GAD2: variants seen among roughly 807,000 people sequenced by gnomAD.
The protein encoded by GAD2 is 65 kDa glutamic acid decarboxylase.
GAD2 carries 22 observed loss-of-function variants against 80.1 expected under a neutral mutation model. The observed-to-expected ratio is 0.27, with a 90% confidence interval of 0.20 to 0.39. The LOEUF is 0.39. Ranked by LOEUF, GAD2 falls within the 10% of genes least tolerant of loss-of-function variation. The pLI is 1.00. For synonymous variants in GAD2, 274 were observed against 256.9 expected (o/e 1.07, Z -0.64); for missense variants, 624 against 738.4 (o/e 0.85, Z 1.80).
At chr10:26,236,816 G>T (rs989953278) in intron 7 of GAD2, among the ~76,000 whole-genome samples, 1 of 152,114 alleles carries the variant, frequency 6.6e-6, no homozygotes, top group Non-Finnish European at 1.5e-5. Context: ...CAGCACCCCT[G>T]CTCCTGTGCT....
At chr10:26,232,591 G>A (rs1844618328) in intron 7 of GAD2, among the ~76,000 whole-genome samples, 1 of 151,636 alleles carries the variant, frequency 6.6e-6, no homozygotes, top group Non-Finnish European at 1.5e-5. Flanking sequence ...CCATCTCTGG[G>A]GTTCAAGAGA....
At chr10:26,222,686 T>C (rs1466053558) in intron 4 of GAD2, among the ~76,000 whole-genome samples, 1 of 152,220 alleles carries the variant, frequency 6.6e-6, no homozygotes, top group African/African-American at 2.4e-5. Context: ...CCCGCTAAAA[T>C]GGGCTCCCTC....
intron 8 of GAD2, among the ~76,000 whole-genome samples, chr10:26,255,731 G>T (rs143442200): frequency 6.6e-5 from 10 of 152,074 alleles, no homozygotes; most frequent in East Asian, 1.9e-4. Context: ...ATAAAAAATC[G>T]CAAAGGTTTA....
chr10:26,281,607 C>A (rs1845272863), intron 12 of GAD2, among the ~76,000 whole-genome samples: 1 of 152,066 alleles, frequency 6.6e-6, no homozygotes, highest in Non-Finnish European at 1.5e-5. Flanking sequence ...ATATTTAAAG[C>A]CATGTTCAAA....
rs373306015 is a variant in GAD2 at position 26,229,819 on chromosome 10, T to C, written c.840+42T>C. The C allele has an allele frequency of 5.5e-6, 8 of 1,453,422 alleles. No individual in the cohort carries two copies. In the African/African-American group the frequency reaches 1.1e-4, roughly 20 times the overall value. The allele number at this position is 1,453,422 out of a possible 1,614,324, so 90.0% of individuals were successfully genotyped here. A position where few individuals can be genotyped will look rare whatever the true frequency, so the allele number is the denominator to read the frequency against. ...CTTGCAAGTTTAAGGTTATGTTCCA[T>C]AAAGCCCGAGTTTAAGGAGTGATGG... On this transcript the variant is annotated intron_variant, in intron 7 of 15. Transcript: ENST00000376261.
At chr10:26,229,618 G>T (rs989624350) in intron 6 of GAD2, 44 bp from the exon 7 acceptor site, 18 of 1,348,792 alleles carry the variant, frequency 1.3e-5, no homozygotes, top group Non-Finnish European at 1.9e-5. Flanking sequence ...TGTGAAATGA[G>T]GTTGATAATA....
At chr10:26,260,022 T>G (rs778907279) in intron 8 of GAD2, among the ~76,000 whole-genome samples, 3 of 152,182 alleles carry the variant, frequency 2.0e-5, no homozygotes, top group Non-Finnish European at 4.4e-5. Context: ...TTTGATGGCA[T>G]GTAGTTTAAA....
intron 11 of GAD2, among the ~76,000 whole-genome samples, chr10:26,274,452 C>T (rs1845175822): frequency 6.6e-6 from 1 of 152,224 alleles, no homozygotes; most frequent in African/African-American, 2.4e-5. Context: ...TCTCTCATCA[C>T]AACATGGCAG....
rs767281811 is a variant in GAD2, at chr10:26,281,083, A to T, written c.1232A>T (p.Glu411Val). 2 of 1,609,432 alleles carry T rather than the reference A, an allele frequency of 1.2e-6. No homozygotes were observed. Among genetic ancestry groups the T allele is most frequent in the Non-Finnish European group, 1.7e-6 (2 of 1,175,984 alleles). The change falls in exon 12 of 16, where the codon GAA (glutamate) becomes GTA (valine). Residue 411 changes from glutamate (E) to valine (V), a missense_variant. Physicochemically the swap from Glu to Val is moderately radical, Grantham distance 121 (BLOSUM62 -2). Coordinates refer to ENST00000376261, the MANE Select transcript of GAD2 (RefSeq NM_001134366.2). ...PLQCSALLVREEGLMQNCNQM... is the reference protein window; with the variant it reads ...PLQCSALLVRVEGLMQNCNQM... The stretch of plus-strand genomic sequence containing the variant: ...CAGTGCTCTGCTCTCCTGGTTAGAG[A>T]AGAGGTATGTCTCTCTTGACTCTGT...
chr10:26,281,174 C>T (rs756834560), intron 12 of GAD2, 87 bp downstream of exon 12: 5 of 973,714 alleles, frequency 5.1e-6, no homozygotes, highest in Non-Finnish European at 8.1e-6. Flanking sequence ...ATGTCAAGAT[C>T]ACCGGGTCTT....
intron 8 of GAD2, among the ~76,000 whole-genome samples, chr10:26,267,923 T>C (rs979348845): frequency 1.6e-4 from 25 of 152,208 alleles, no homozygotes; most frequent in African/African-American, 5.8e-4. Flanking sequence ...CTAGAAGCTG[T>C]GATGAAGTCC....
intron 11 of GAD2, among the ~76,000 whole-genome samples, chr10:26,280,721 G>T (rs1845261478): frequency 6.6e-6 from 1 of 152,092 alleles, no homozygotes; most frequent in South Asian, 2.1e-4. Context: ...TATCATGGGA[G>T]CATGGGATGG....
At chr10:26,298,994 C>A (rs1433747809) in intron 15 of GAD2, among the ~76,000 whole-genome samples, 1 of 152,100 alleles carries the variant, frequency 6.6e-6, no homozygotes, top group Non-Finnish European at 1.5e-5. Context: ...AAGGATCAGG[C>A]CAAGAGAAAC....
rs972674367 is a variant in GAD2 at position 26,301,986 on chromosome 10, A to G, written c.*1025A>G. 3.3e-5 allele frequency: 5 copies of G among 152,240 alleles called. No individual in the cohort carries two copies. The highest frequency in any genetic ancestry group is 3.3e-4 in the Admixed American group (5 of 15,286). The allele number at this position is 152,240 out of a possible 1,614,324, so 9.4% of individuals were successfully genotyped here. ...GTCATTTGAATTAATTAGAGAAAGTAAAAATAAAACCTTATCAGCCTGAGC... is the reference window on the plus strand; with the variant it reads ...GTCATTTGAATTAATTAGAGAAAGTGAAAATAAAACCTTATCAGCCTGAGC... On this transcript the variant is annotated 3_prime_UTR_variant, in exon 16 of 16. Transcript: ENST00000376261.
At chr10:26,278,484 G>A (rs538072503) in intron 11 of GAD2, among the ~76,000 whole-genome samples, 1 of 152,246 alleles carries the variant, frequency 6.6e-6, no homozygotes, top group African/African-American at 2.4e-5. Context: ...TAAGTAACTT[G>A]CTCAAAGTCA....
chr10:26,281,550 ATTAATCTGTAATCTCT>A, intron 12 of GAD2, among the ~76,000 whole-genome samples: 1 of 152,198 alleles, frequency 6.6e-6, no homozygotes, highest in Non-Finnish European at 1.5e-5. Flanking sequence ...CAGTCAGATG[ATTAATCTGTAATCTCT>A]GATTACAGAT....
intron 13 of GAD2, among the ~76,000 whole-genome samples, chr10:26,290,092 GA>G (rs913604420): frequency 2.4e-4 from 37 of 151,888 alleles, no homozygotes; most frequent in African/African-American, 8.9e-4. Flanking sequence ...AAAATACCAG[GA>G]AAAAAATATT....
At chr10:26,242,846 C>T (rs1226836545) in intron 7 of GAD2, among the ~76,000 whole-genome samples, 1 of 152,208 alleles carries the variant, frequency 6.6e-6, no homozygotes, top group African/African-American at 2.4e-5. Context: ...TGCACCAGAT[C>T]TCTTACTTAT....
chr10:26,273,529 C>G, intron 10 of GAD2, 107 bp from the exon 11 acceptor site: 1 of 886,852 alleles, frequency 1.1e-6, no homozygotes, highest in Non-Finnish European at 1.8e-6. Context: ...TGGTCAACTT[C>G]CTAAGTGGCC....
Sources: gnomAD v4.1 joint callset for allele counts (sites outside exome capture counted in the v4.1 genomes callset) on GRCh38, gnomAD v4.1.1 for gene constraint, MANE v1.5 for transcripts, NCBI Gene and HGNC (gene_info 2026-07-23, HGNC 2026-07-21) for gene names.